AP1B1: variants seen among roughly 807,000 people sequenced by gnomAD.
The protein encoded by AP1B1 is AP-1 complex subunit beta-1.
A neutral mutation model predicts 104.3 loss-of-function variants in AP1B1; 36 were observed. That is an observed-to-expected ratio of 0.35 (90% CI 0.26 to 0.46). The LOEUF (loss-of-function observed/expected upper bound fraction) is 0.46. AP1B1 is among the 20% of genes least tolerant of loss of function. The pLI, the probability that AP1B1 is intolerant of heterozygous loss-of-function variation, is 1.00. For missense variants in AP1B1, 901 were observed against 1,247.9 expected (o/e 0.72, Z 4.19); for synonymous variants, 504 against 517.5 (o/e 0.97, Z 0.35).
At chr22:29,367,954 G>A (rs1201166121) in intron 1 of AP1B1, among the ~76,000 whole-genome samples, 2 of 152,084 alleles carry the variant, frequency 1.3e-5, no homozygotes, top group Non-Finnish European at 1.5e-5. Context: ...TTTCTTAAAG[G>A]CTCTCTCAGG....
At chr22:29,356,954 G>A (rs1262678196) in intron 5 of AP1B1, among the ~76,000 whole-genome samples, 1 of 152,204 alleles carries the variant, frequency 6.6e-6, no homozygotes. Flanking sequence ...GCTTCTCAGA[G>A]CTAGGGGATT....
chr22:29,330,788 G>A, intron 19 of AP1B1, 79 bp from the exon 20 acceptor site: 1 of 1,281,096 alleles, frequency 7.8e-7, no homozygotes, highest in South Asian at 1.3e-5. Context: ...CAGGAAATGG[G>A]TCTGGCCTTT....
intron 2 of AP1B1, among the ~76,000 whole-genome samples, chr22:29,365,412 T>A (rs868450173): frequency 6.6e-6 from 1 of 151,922 alleles, no homozygotes; most frequent in African/African-American, 2.4e-5. Context: ...TTGGGAGAAT[T>A]GCTTGAACCC....
Position 29,331,783 on chromosome 22 carries a change from C to A in AP1B1, c.2439+4G>T, listed in dbSNP as rs974921588. The stretch of plus-strand genomic sequence containing the variant: ...CTGGGGTGCCTGCCCTGCCCGGAAC[C>A]CACCTGGAGGTTGTTCAGAGGCTCC... On this transcript the variant is annotated splice_donor_region_variant and intron_variant, in intron 18 of 22. Transcript: ENST00000357586. The A allele has an allele frequency of 6.2e-7, 1 of 1,614,170 alleles. No individual in the cohort carries two copies. The highest frequency in any genetic ancestry group is 1.3e-5 in the African/African-American group (1 of 75,050).
intron 18 of AP1B1, 64 bp from the exon 19 acceptor site, chr22:29,331,597 G>A: frequency 6.3e-7 from 1 of 1,593,060 alleles, no homozygotes; most frequent in Non-Finnish European, 8.6e-7. Flanking sequence ...GCCCCAGGAA[G>A]AGTGTCACTG....
At chr22:29,369,243 T>C (rs1438472976) in intron 1 of AP1B1, among the ~76,000 whole-genome samples, 3 of 152,046 alleles carry the variant, frequency 2.0e-5, no homozygotes, top group Admixed American at 6.5e-5. Flanking sequence ...TCCAGCCCAA[T>C]TGGATTTTTC....
At chr22:29,330,601 G>A (rs761191902) in intron 20 of AP1B1, 22 bp downstream of exon 20, 1 of 1,613,732 alleles carries the variant, frequency 6.2e-7, no homozygotes, top group South Asian at 1.1e-5. Flanking sequence ...AGGGGCTGGG[G>A]TCGGGGGCTC....
rs137876364 is a variant in AP1B1 at position 29,358,514 on chromosome 22, C to T, written c.525+212G>A. On this transcript the variant is annotated intron_variant, in intron 5 of 22. Transcript: ENST00000357586. ...AGCCTAGGCAGCTTGCCCCAGGTTG[C>T]GCAGCTAGTCAGAGGGTGAGGAGAA... Among the ~76,000 whole-genome samples the T allele has an allele frequency of 6.0e-4, 91 of 152,278 alleles. 1 individual carries two copies. In the East Asian group the frequency reaches 0.013, roughly 21 times the overall value.
intron 11 of AP1B1, among the ~76,000 whole-genome samples, chr22:29,343,873 G>A (rs752749419): frequency 1.8e-4 from 28 of 152,160 alleles, no homozygotes; most frequent in Non-Finnish European, 3.8e-4. Flanking sequence ...CACTTTGGGA[G>A]GCCTCGGTGG....
chr22:29,328,658 G>T lies in AP1B1; in HGVS notation c.*163C>A. On this transcript the variant is annotated 3_prime_UTR_variant, in exon 23 of 23. Coordinates refer to ENST00000357586, the MANE Select transcript of AP1B1 (RefSeq NM_001127.4). The surrounding 1 kb of genome is among the most constrained non-coding windows in gnomAD (Gnocchi z 4.1). ...CGCTCTCACCCCAGGAGGGGGTGGT[G>T]CCCTACCCCAGGGATCGGGTGGGTT... The T allele has an allele frequency of 1.2e-6, 1 of 837,158 alleles. No homozygotes were observed. Among genetic ancestry groups the T allele is most frequent in the Non-Finnish European group, 1.8e-6 (1 of 548,502 alleles). 51.9% of individuals were successfully genotyped at this position (837,158 alleles called of 1,614,324 possible).
chr22:29,356,547 G>C lies in AP1B1; in HGVS notation c.595C>G (p.Leu199Val), dbSNP rs1033810499. 1.2e-6 allele frequency: 2 copies of C among 1,614,092 alleles called. No homozygotes were observed. The highest frequency in any genetic ancestry group is 2.7e-5 in the African/African-American group (2 of 74,932). Residue 199 changes from leucine to valine, a missense_variant, in exon 6 of 23, where the codon CTG becomes GTG. Physicochemically the swap from Leu to Val is conservative, Grantham distance 32. This residue lies in a region of AP1B1 where 471 missense variants were observed against 696.7 expected (regional missense o/e 0.68). Coordinates refer to ENST00000357586, the MANE Select transcript of AP1B1 (RefSeq NM_001127.4). Reference protein sequence around the residue: ...ESHPSSNLLDLNPQSINKLLT... With the variant: ...ESHPSSNLLDVNPQSINKLLT... ...AGCTTGTTGATGGACTGTGGGTTCA[G>C]ATCGAGCAGGTTGCTGCTGGGGTGA...
chr22:29,352,890 C>T (rs943560854), intron 7 of AP1B1, among the ~76,000 whole-genome samples: 7 of 152,276 alleles, frequency 4.6e-5, no homozygotes, highest in African/African-American at 1.2e-4. Flanking sequence ...GAGAGTGAGA[C>T]GAGAAGCATC....
At chr22:29,332,089 C>A in intron 17 of AP1B1, 173 bp from the exon 18 acceptor site, 1 of 614,202 alleles carries the variant, frequency 1.6e-6, no homozygotes, top group Non-Finnish European at 2.7e-6. Flanking sequence ...TCCCCTCCCC[C>A]AGATGGCCAT....
Position 29,330,628 on chromosome 22 carries a change from T to C in AP1B1, c.2606A>G (p.Asn869Ser), listed in dbSNP as rs2061543301. The change falls in exon 20 of 23, where the codon AAT becomes AGT. Residue 869 changes from asparagine (N) to serine (S), a missense_variant. This residue lies in a region of AP1B1 where 424 missense variants were observed against 494.0 expected (regional missense o/e 0.86). Coordinates refer to ENST00000357586, the MANE Select transcript of AP1B1 (RefSeq NM_001127.4). ...CGGGGGCTCGGAGTCCTCACCTGCATTGAGGGGGCAGTCTCTGATCTGGAA... is the reference window on the plus strand; with the variant it reads ...CGGGGGCTCGGAGTCCTCACCTGCACTGAGGGGGCAGTCTCTGATCTGGAA... Reference protein sequence around the residue: ...AQFQIRDCPLNAEAASSKLQS... With the variant: ...AQFQIRDCPLSAEAASSKLQS... 6 of 1,613,720 alleles carry C rather than the reference T, an allele frequency of 3.7e-6. No homozygotes were observed. Among genetic ancestry groups the C allele is most frequent in the Non-Finnish European group, 5.1e-6 (6 of 1,179,868 alleles).
At chr22:29,374,388 CA>C (rs2062298787) in intron 1 of AP1B1, among the ~76,000 whole-genome samples, 1 of 151,950 alleles carries the variant, frequency 6.6e-6, no homozygotes, top group South Asian at 2.1e-4. Flanking sequence ...AATAAAAAGC[CA>C]AAAGCCGTAT....
intron 5 of AP1B1, among the ~76,000 whole-genome samples, chr22:29,358,237 T>A (rs1270224490): frequency 6.6e-6 from 1 of 152,206 alleles, no homozygotes. Context: ...TACATCCTGA[T>A]GTCCTGTCTT....
At chr22:29,356,893 G>C (rs985192406) in intron 5 of AP1B1, among the ~76,000 whole-genome samples, 2 of 152,156 alleles carry the variant, frequency 1.3e-5, no homozygotes, top group African/African-American at 4.8e-5. Context: ...TCCTAACACA[G>C]CAGCGCCTGT....
chr22:29,329,817 G>T, intron 21 of AP1B1, 97 bp from the exon 22 acceptor site: 2 of 1,576,842 alleles, frequency 1.3e-6, no homozygotes, highest in South Asian at 2.4e-5. Context: ...GCCCCCCACC[G>T]ACCAGCACTG....
chr22:29,373,476 A>T (rs1184882490), intron 1 of AP1B1, among the ~76,000 whole-genome samples: 3 of 152,138 alleles, frequency 2.0e-5, no homozygotes, highest in Non-Finnish European at 4.4e-5. Flanking sequence ...AGGTCAGTGG[A>T]TGCTTCTGGG....
Sources: allele counts gnomAD v4.1 joint callset (sites outside exome capture counted in the v4.1 genomes callset), GRCh38; gene constraint gnomAD v4.1.1; regional missense constraint gnomAD v4.1.1; non-coding constraint Gnocchi (gnomAD v3.1); transcripts MANE v1.5; gene names NCBI Gene and HGNC (gene_info 2026-07-23, HGNC 2026-07-21).